Variants in ATF7 observed in about 807,000 individuals in gnomAD.
ATF7 encodes activating transcription factor 7.
Under a neutral mutation model 50.4 loss-of-function variants are expected in ATF7, and 10 were observed. The ratio of observed to expected loss-of-function variants is 0.20; its 90% CI spans 0.12 to 0.34. The LOEUF (loss-of-function observed/expected upper bound fraction) is 0.34, where lower values mean the gene tolerates loss of function less well. ATF7 is among the 10% of genes least tolerant of loss of function. The pLI is 1.00. For missense variants in ATF7, 465 were observed against 613.9 expected (o/e 0.76, Z 2.56); for synonymous variants, 201 against 226.4 (o/e 0.89, Z 1.01).
chr12:53,508,765 G>A (rs769203072), downstream of ATF7, among the ~76,000 whole-genome samples: 81 of 152,112 alleles, frequency 5.3e-4, no homozygotes, highest in Middle Eastern at 6.8e-3. Flanking sequence ...TGCCAGCTCC[G>A]GCCATTTCCT....
Position 53,531,810 on chromosome 12 carries a change from T to A in ATF7, c.861A>T (p.Thr287=), listed in dbSNP as rs1171497236. ...MVVGTASTMV[T]ARPEQSQILI... ...GAATCTGGCTCTGCTCTGGGCGGGCTGTCACCATGGTGCTGGCAGTACCCA... is the reference window on the plus strand; with the variant it reads ...GAATCTGGCTCTGCTCTGGGCGGGCAGTCACCATGGTGCTGGCAGTACCCA... Residue 287 remains threonine, a synonymous_variant, in exon 9 of 12, where the codon ACA becomes ACT. Coordinates refer to ENST00000420353, the MANE Select transcript of ATF7 (RefSeq NM_006856.3). The A allele has an allele frequency of 3.1e-6, 5 of 1,613,118 alleles. No individual in the cohort carries two copies. Among genetic ancestry groups the A allele is most frequent in the Non-Finnish European group, 4.2e-6 (5 of 1,179,692 alleles).
At chr12:53,607,025 G>A (rs1388797291) in intron 1 of ATF7, among the ~76,000 whole-genome samples, 4 of 152,106 alleles carry the variant, frequency 2.6e-5, no homozygotes, top group South Asian at 2.1e-4. Flanking sequence ...ATAAACATAC[G>A]TGTGCATGTG....
intron 9 of ATF7, among the ~76,000 whole-genome samples, chr12:53,527,405 C>T (rs185701983): frequency 1.4e-3 from 205 of 151,800 alleles, no homozygotes; most frequent in African/African-American, 4.9e-3. Context: ...TCATTTGAGC[C>T]CAGAAGGTTG....
Position 53,593,389 on chromosome 12 carries a change from A to C in ATF7, c.48+7564T>G, listed in dbSNP as rs151300646. ...AGCCTGGGTGACAGAACAAGACCCT[A>C]TCTCTAAAAAAAAAATAAAAGTGGC... is the stretch of plus-strand genomic sequence containing the variant. On this transcript the variant is annotated intron_variant, in intron 2 of 11. Coordinates refer to ENST00000420353, the MANE Select transcript of ATF7 (RefSeq NM_006856.3). Among the ~76,000 whole-genome samples the C allele has an allele frequency of 2.6e-3, 398 of 152,172 alleles. 1 individual carries two copies. Among genetic ancestry groups the C allele is most frequent in the Non-Finnish European group, 4.4e-3 (299 of 67,986 alleles).
chr12:53,621,501 G>T (rs1944377106), intron 1 of ATF7, among the ~76,000 whole-genome samples: 1 of 152,126 alleles, frequency 6.6e-6, no homozygotes, highest in South Asian at 2.1e-4. Flanking sequence ...TCAACTACAT[G>T]GCCGGCGCGG....
intron 1 of ATF7, among the ~76,000 whole-genome samples, chr12:53,609,713 GCATATATTATCT>G (rs2137874494): frequency 1.3e-5 from 2 of 150,598 alleles, no homozygotes; most frequent in East Asian, 3.9e-4. Flanking sequence ...TAATAGTTTA[GCATATATTATCT>G]CAATACTAAA....
intron 1 of ATF7, among the ~76,000 whole-genome samples, chr12:53,609,342 C>T (rs576858448): frequency 6.3e-4 from 95 of 151,720 alleles, no homozygotes; most frequent in African/African-American, 2.2e-3. Context: ...TTAGTAGAGA[C>T]GGGGTTTCTC....
At chr12:53,587,843 A>ATATATATATTTTTTTTT in intron 2 of ATF7, among the ~76,000 whole-genome samples, 1 of 61,568 alleles carries the variant, frequency 1.6e-5, no homozygotes, top group Non-Finnish European at 3.4e-5. Flanking sequence ...ATATATATAT[A>ATATATATATTTTTTTTT]TTTTTTTTTT....
intron 4 of ATF7, 80 bp from the exon 5 acceptor site, chr12:53,537,632 A>G: frequency 6.6e-7 from 1 of 1,509,918 alleles, no homozygotes; most frequent in Non-Finnish European, 9.0e-7. Context: ...TTTCCAAGAT[A>G]AGGGAATATG....
intron 2 of ATF7, among the ~76,000 whole-genome samples, chr12:53,559,112 G>T (rs1592868038): frequency 7.0e-6 from 1 of 143,748 alleles, no homozygotes; most frequent in Non-Finnish European, 1.5e-5. Flanking sequence ...TTAAGACCTT[G>T]TCTCTATTTA....
At chr12:53,589,061 C>T (rs1425741867) in intron 2 of ATF7, among the ~76,000 whole-genome samples, 1 of 151,890 alleles carries the variant, frequency 6.6e-6, no homozygotes, top group Non-Finnish European at 1.5e-5. Flanking sequence ...CTGATTTGGA[C>T]CATTTACCAA....
intron 2 of ATF7, among the ~76,000 whole-genome samples, chr12:53,580,146 G>T (rs1456615736): frequency 6.6e-6 from 1 of 151,358 alleles, no homozygotes; most frequent in East Asian, 2.0e-4. Flanking sequence ...GGCCAAGCTG[G>T]TCTCAAACTC....
intron 1 of ATF7, among the ~76,000 whole-genome samples, chr12:53,615,971 GT>G (rs1944100707): frequency 6.6e-6 from 1 of 152,122 alleles, no homozygotes; most frequent in South Asian, 2.1e-4. Flanking sequence ...CTGACAAAAT[GT>G]TTTTTTCTTA....
chr12:53,570,087 A>G (rs1941666281), intron 2 of ATF7, among the ~76,000 whole-genome samples: 2 of 152,336 alleles, frequency 1.3e-5, no homozygotes, highest in Admixed American at 6.5e-5. Context: ...GGCTTCCTCA[A>G]GGTTAGAGAT....
At chr12:53,543,203 T>C (rs1185171499) in intron 4 of ATF7, 127 bp downstream of exon 4, 2 of 1,546,464 alleles carry the variant, frequency 1.3e-6, no homozygotes, top group Non-Finnish European at 1.7e-6. Flanking sequence ...TATCTGGTTT[T>C]ACTGGTTTTA....
rs1938352239 is a variant in ATF7, at chr12:53,524,871, C to G, written c.928-110G>C. On this transcript the variant is annotated intron_variant, in intron 9 of 11. Coordinates refer to ENST00000420353, the MANE Select transcript of ATF7 (RefSeq NM_006856.3). The surrounding 1 kb of genome is among the most constrained non-coding windows in gnomAD (Gnocchi z 4.6). ...ATCTGGTAAAAGGATATACCAGCCTCTGGTAACCACAGCAAGTCTCATTAC... is the reference window on the plus strand; with the variant it reads ...ATCTGGTAAAAGGATATACCAGCCTGTGGTAACCACAGCAAGTCTCATTAC... 1 of 1,027,690 alleles carries G rather than the reference C, an allele frequency of 9.7e-7. No homozygotes were observed. The highest frequency in any genetic ancestry group is 1.4e-6 in the Non-Finnish European group (1 of 731,010). 63.7% of individuals were successfully genotyped at this position (1,027,690 alleles called of 1,614,324 possible).
chr12:53,553,196 G>A (rs1940494524), intron 2 of ATF7, among the ~76,000 whole-genome samples: 1 of 152,142 alleles, frequency 6.6e-6, no homozygotes, highest in Non-Finnish European at 1.5e-5. Context: ...GAGTTTTAAT[G>A]AGCCAGGATG....
intron 3 of ATF7, among the ~76,000 whole-genome samples, chr12:53,551,297 C>T (rs1456782043): frequency 1.3e-5 from 2 of 152,282 alleles, no homozygotes; most frequent in South Asian, 2.1e-4. Flanking sequence ...GTAGCTAGGA[C>T]TATAGCCATG....
chr12:53,561,758 G>GT (rs1284323981), intron 2 of ATF7, among the ~76,000 whole-genome samples: 1 of 152,232 alleles, frequency 6.6e-6, no homozygotes, highest in African/African-American at 2.4e-5. Flanking sequence ...TGTTTGCTAT[G>GT]TGAGTCACAC....
Sources: allele counts gnomAD v4.1 joint callset (sites outside exome capture counted in the v4.1 genomes callset), GRCh38; gene constraint gnomAD v4.1.1; non-coding constraint Gnocchi (gnomAD v3.1); transcripts MANE v1.5; gene names NCBI Gene and HGNC (gene_info 2026-07-23, HGNC 2026-07-21).